Variants in RORC observed in about 807,000 individuals in gnomAD.
RORC encodes nuclear receptor ROR-gamma.
RORC carries 13 observed loss-of-function variants against 64.5 expected under a neutral mutation model. That is an observed-to-expected ratio of 0.20 (90% CI 0.13 to 0.32). RORC has a LOEUF of 0.32. Ranked by LOEUF, RORC falls within the 10% of genes least tolerant of loss-of-function variation. The pLI, the probability that RORC is intolerant of heterozygous loss-of-function variation, is 1.00. For missense variants in RORC, 468 were observed against 669.5 expected (o/e 0.70, Z 3.32); for synonymous variants, 277 against 259.3 (o/e 1.07, Z -0.65).
intron 4 of RORC, among the ~76,000 whole-genome samples, chr1:151,815,733 C>A (rs1651730425): frequency 6.6e-6 from 1 of 152,192 alleles, no homozygotes; most frequent in Non-Finnish European, 1.5e-5. Flanking sequence ...GCCTCCAGAT[C>A]TTGGGGCTGG....
chr1:151,831,021 C>CTGTG, intron 1 of RORC: 1 of 1,289,364 alleles, frequency 7.8e-7, no homozygotes. Flanking sequence ...CTGACCAAGC[C>CTGTG]TGTGGCCCTG....
In RORC at chr1:151,815,016, G is replaced by A. The variant is rs1572037999; in HGVS notation, c.708C>T (p.His236=). The part of the protein sequence containing the change: ...PDRCGLRFEE[H]RHPGLGELGQ... ...CCAGTTCCCCAAGCCCAGGATGCCTGTGTTCCTCAAAACGAAGTCCACATC... is the reference window on the plus strand; with the variant it reads ...CCAGTTCCCCAAGCCCAGGATGCCTATGTTCCTCAAAACGAAGTCCACATC... The change falls in exon 5 of 11, where the codon CAC becomes CAT. Residue 236 remains histidine, a synonymous_variant. Transcript: ENST00000318247. The A allele has an allele frequency of 3.1e-6, 5 of 1,614,230 alleles. 1 individual carries two copies. The highest frequency in any genetic ancestry group is 4.2e-6 in the Non-Finnish European group (5 of 1,180,028).
At position 151,830,253 on chromosome 1, in the gene RORC, G is replaced by A. The variant is rs1458445272; in HGVS notation, c.41-795C>T. 6.6e-6 allele frequency among the ~76,000 whole-genome samples: 1 copy of A among 152,116 alleles called. No individual in the cohort carries two copies. Among genetic ancestry groups the A allele is most frequent in the Non-Finnish European group, 1.5e-5 (1 of 68,012 alleles). On this transcript the variant is annotated intron_variant, in intron 1 of 10. Transcript: ENST00000318247. This position sits in a 1 kb window ranked among gnomAD's most constrained non-coding sequence, Gnocchi z 4.0. ...CTGCTGCTGCTGCGTGGCCGGGTCT[G>A]GGTGGAGATTGGGCAGTAGGGAGCA...
In RORC at chr1:151,829,417, C is replaced by A. The variant is rs762818510; in HGVS notation, c.70+12G>T. The A allele has an allele frequency of 6.5e-7, 1 of 1,537,262 alleles. No homozygotes were observed. The highest frequency in any genetic ancestry group is 8.7e-7 in the Non-Finnish European group (1 of 1,149,490). On this transcript the variant is annotated intron_variant, in intron 2 of 10. Transcript: ENST00000318247. ...GCCCCAGCCATTTTCTTGCCCCGGA[C>A]CCCCTACTCACAGGTGTGGGTCTTC...
intron 1 of RORC, 120 bp downstream of exon 1, chr1:151,831,605 C>G (rs537118180): frequency 4.4e-6 from 7 of 1,594,212 alleles, no homozygotes; most frequent in Non-Finnish European, 5.1e-6. Context: ...AGGGCTTTCT[C>G]CTCTGCACTC....
At chr1:151,820,969 C>T (rs1045052739) in intron 2 of RORC, among the ~76,000 whole-genome samples, 5 of 152,158 alleles carry the variant, frequency 3.3e-5, no homozygotes, top group Non-Finnish European at 7.3e-5. Context: ...CCAGTGTGAC[C>T]TCTAAGACTT....
At chr1:151,829,156 T>C (rs544658500) in intron 2 of RORC, among the ~76,000 whole-genome samples, 1 of 148,258 alleles carries the variant, frequency 6.7e-6, no homozygotes, top group Admixed American at 6.7e-5. Context: ...CCAGCATTTC[T>C]CCTCGCCTTT....
intron 2 of RORC, among the ~76,000 whole-genome samples, chr1:151,821,865 A>G (rs1353400305): frequency 1.3e-5 from 2 of 152,092 alleles, no homozygotes; most frequent in East Asian, 3.9e-4. Flanking sequence ...CTGTTTGTAT[A>G]AAGATCCCAA....
intron 3 of RORC, 97 bp downstream of exon 3, chr1:151,817,098 T>C: frequency 1.2e-6 from 1 of 818,534 alleles, no homozygotes; most frequent in South Asian, 1.7e-5. Context: ...CCCTTGTTTA[T>C]CTCTAAGGAG....
chr1:151,827,650 C>T (rs989438315), intron 2 of RORC, among the ~76,000 whole-genome samples: 2 of 152,186 alleles, frequency 1.3e-5, no homozygotes, highest in Admixed American at 6.5e-5. Flanking sequence ...TGAGAGGTGT[C>T]TGATCTTGCT....
At chr1:151,829,899 T>C (rs1299376799) in intron 1 of RORC, among the ~76,000 whole-genome samples, 1 of 152,236 alleles carries the variant, frequency 6.6e-6, no homozygotes, top group Non-Finnish European at 1.5e-5. Flanking sequence ...ACTGCTGTAA[T>C]TGTGTCATTG....
chr1:151,808,924 C>T (rs545404015), intron 10 of RORC, among the ~76,000 whole-genome samples: 107 of 152,200 alleles, frequency 7.0e-4, no homozygotes, highest in African/African-American at 2.1e-3. Context: ...AAAAGCCCTG[C>T]GACTGGGTTT....
intron 10 of RORC, among the ~76,000 whole-genome samples, chr1:151,810,069 C>T (rs1178148162): frequency 6.6e-6 from 1 of 152,122 alleles, no homozygotes. Flanking sequence ...GAGTGATTCT[C>T]CACATACACA....
intron 2 of RORC, among the ~76,000 whole-genome samples, chr1:151,829,123 C>T (rs1444241828): frequency 6.6e-6 from 1 of 151,866 alleles, no homozygotes; most frequent in Non-Finnish European, 1.5e-5. Context: ...CGGCCCCACC[C>T]CCTCCCATCT....
intron 2 of RORC, among the ~76,000 whole-genome samples, chr1:151,822,658 C>G (rs894915630): frequency 6.6e-6 from 1 of 152,220 alleles, no homozygotes; most frequent in African/African-American, 2.4e-5. Context: ...CAGCACCTTC[C>G]CTGCCTTCAG....
Position 151,830,491 on chromosome 1 carries a change from A to T in RORC, c.41-1033T>A, listed in dbSNP as rs1360433532. Among the ~76,000 whole-genome samples the T allele has an allele frequency of 4.6e-5, 7 of 151,950 alleles. No individual in the cohort carries two copies. The highest frequency in any genetic ancestry group is 9.7e-5 in the African/African-American group (4 of 41,326). ...TCCTACATCCACATAGCAGCTCATC[A>T]CAGAACACATGGCCAGTCTTTTGTC... On this transcript the variant is annotated intron_variant, in intron 1 of 10. Transcript: ENST00000318247. The surrounding 1 kb of genome is among the most constrained non-coding windows in gnomAD (Gnocchi z 4.0).
Position 151,813,244 on chromosome 1 carries a change from G to T in RORC, c.1169C>A (p.Ala390Asp), listed in dbSNP as rs770178028. ...GKYGGMELFR[A>D]LGCSELISSI... ...CATTTCTCCCTGCCCCTCACCCAAG[G>T]CTCGGAACAGCTCCATGCCACCGTA... The change falls in exon 8 of 11, where the codon GCC becomes GAC. Residue 390 changes from alanine (A) to aspartate (D), a missense_variant. This residue lies in a region of RORC where 100 missense variants were observed against 190.8 expected (regional missense o/e 0.52). Coordinates refer to ENST00000318247, the MANE Select transcript of RORC (RefSeq NM_005060.4). The T allele has an allele frequency of 6.2e-7, 1 of 1,613,442 alleles. No individual in the cohort carries two copies. The highest frequency in any genetic ancestry group is 8.5e-7 in the Non-Finnish European group (1 of 1,179,554).
In RORC at chr1:151,806,569, G is replaced by C. The variant is rs200978456; in HGVS notation, c.*903C>G. 6.6e-6 allele frequency: 1 copy of C among 152,240 alleles called. No homozygotes were observed. The highest frequency in any genetic ancestry group is 1.5e-5 in the Non-Finnish European group (1 of 68,044). The allele number at this position is 152,240 out of a possible 1,614,324, so 9.4% of individuals were successfully genotyped here. ...GGAAATGTTTGGGAGGGTCCCTCAG[G>C]ATTGGGACTTTCCCCTGAGGCCTCT... On this transcript the variant is annotated 3_prime_UTR_variant, in exon 11 of 11. Transcript: ENST00000318247.
At chr1:151,813,369 G>A (rs200611527) in intron 7 of RORC, 23 bp from the exon 8 acceptor site, 20 of 1,610,744 alleles carry the variant, frequency 1.2e-5, no homozygotes, top group Middle Eastern at 1.6e-4. Flanking sequence ...GAGAGAAGAT[G>A]CAGGGACAGT....
Sources: gnomAD v4.1 joint callset for allele counts (sites outside exome capture counted in the v4.1 genomes callset) on GRCh38, gnomAD v4.1.1 for gene constraint, gnomAD v4.1.1 regional missense constraint, Gnocchi (gnomAD v3.1) non-coding constraint, MANE v1.5 for transcripts, NCBI Gene and HGNC (gene_info 2026-07-23, HGNC 2026-07-21) for gene names.